The following CFAP410 variants were observed in gnomAD, a reference collection of about 807,000 sequenced individuals.
CFAP410 encodes the protein cilia and flagella associated protein 410.
Under a neutral mutation model 25.7 loss-of-function variants are expected in CFAP410, and 27 were observed. The observed-to-expected ratio is 1.05, with a 90% CI of 0.77 to 1.45. CFAP410 has a LOEUF of 1.45. CFAP410 is among the 40% of genes most tolerant of loss of function. The probability of loss-of-function intolerance (pLI) is 0.00; values close to 1 mark genes in which losing one functional copy is unlikely to be tolerated. For missense variants in CFAP410, 428 were observed against 354.1 expected (o/e 1.21, Z -1.67); for synonymous variants, 178 against 158.4 (o/e 1.12, Z -0.93).
rs1439423552 is a variant in CFAP410 at position 44,333,072 on chromosome 21, G to A, written c.334C>T (p.Leu112=). ...TSPHRYRMTV[L]RTLPRLQKLD... is the part of the protein sequence containing the mutation. ...TTCTGTAGGCGCGGCAGGGTGCGCA[G>A]CACGGTCATGCGGTAGCGGTGGGGG... The change falls in exon 4 of 7, where the codon CTG becomes TTG. Residue 112 remains leucine, a synonymous_variant. Coordinates refer to ENST00000339818, the MANE Select transcript of CFAP410 (RefSeq NM_004928.3). 2 of 1,607,562 alleles carry A rather than the reference G, an allele frequency of 1.2e-6. No individual in the cohort carries two copies. The highest frequency in any genetic ancestry group is 1.1e-5 in the South Asian group (1 of 90,514).
intron 1 of CFAP410, 115 bp downstream of exon 1, chr21:44,339,003 C>T (rs2047814930): frequency 2.7e-6 from 1 of 377,066 alleles, no homozygotes; most frequent in Non-Finnish European, 4.6e-6. Flanking sequence ...CCCGCCCCGG[C>T]TCCTCCCTCC....
chr21:44,330,117 G>A lies in CFAP410; in HGVS notation c.*81C>T. 2 of 1,455,592 alleles carry A rather than the reference G, an allele frequency of 1.4e-6. No individual in the cohort carries two copies. Among genetic ancestry groups the A allele is most frequent in the Non-Finnish European group, 1.8e-6 (2 of 1,084,414 alleles). 90.2% of individuals were successfully genotyped at this position (1,455,592 alleles called of 1,614,324 possible). A position where few individuals can be genotyped will look rare whatever the true frequency, so the allele number is the denominator to read the frequency against. The stretch of plus-strand genomic sequence containing the variant: ...TGTGTGGGGCCGGGGCTGCGGCCAT[G>A]GCAGCCACCCTCCAGCTCCCGGGGG... On this transcript the variant is annotated 3_prime_UTR_variant, in exon 7 of 7. Coordinates refer to ENST00000339818, the MANE Select transcript of CFAP410 (RefSeq NM_004928.3).
intron 2 of CFAP410, among the ~76,000 whole-genome samples, chr21:44,337,120 G>T (rs184288061): frequency 4.0e-5 from 6 of 151,584 alleles, no homozygotes; most frequent in Admixed American, 6.6e-5. Context: ...ATTGGTATGC[G>T]ATCCCTGTGT....
intron 2 of CFAP410, 150 bp downstream of exon 2, chr21:44,337,499 C>T: frequency 1.6e-6 from 1 of 623,946 alleles, no homozygotes; most frequent in Non-Finnish European, 2.8e-6. Context: ...ATGAAAACCG[C>T]TAAGTGAACA....
rs755945783 is a variant in CFAP410 at position 44,333,112 on chromosome 21, C to A, written c.294G>T (p.Pro98=). ...AGCGGTGGGGGCTGGTGCCGCAGCA[C>A]GGGTTCTCGGCCAGCCACAGCACCC... is the stretch of plus-strand genomic sequence containing the variant. ...RLRVLWLAEN[P]CCGTSPHRYR... Residue 98 remains proline, a synonymous_variant, in exon 4 of 7, where the codon CCG becomes CCT. Transcript: ENST00000339818. 35 of 1,610,420 alleles carry A rather than the reference C, an allele frequency of 2.2e-5. No individual in the cohort carries two copies. The highest frequency in any genetic ancestry group is 3.0e-5 in the Non-Finnish European group (35 of 1,179,070).
chr21:44,335,691 G>A, intron 3 of CFAP410, 67 bp downstream of exon 3: 1 of 1,231,526 alleles, frequency 8.1e-7, no homozygotes, highest in South Asian at 1.3e-5. Flanking sequence ...GGGTCCCACT[G>A]GAGGGACGTG....
At chr21:44,334,090 T>C (rs1220864584) in intron 3 of CFAP410, 6 of 456,018 alleles carry the variant, frequency 1.3e-5, no homozygotes, top group Non-Finnish European at 2.2e-5. Flanking sequence ...GTGGGACTCT[T>C]TCCAGGATGG....
chr21:44,337,349 A>G (rs1458989354), intron 2 of CFAP410, among the ~76,000 whole-genome samples: 3 of 152,220 alleles, frequency 2.0e-5, no homozygotes, highest in African/African-American at 7.2e-5. Context: ...ATTCCTTTCC[A>G]GGTGAGAGCA....
intron 6 of CFAP410, 24 bp from the exon 7 acceptor site, chr21:44,330,350 A>G (rs1568983890): frequency 6.2e-7 from 1 of 1,600,746 alleles, no homozygotes; most frequent in Non-Finnish European, 8.5e-7. Flanking sequence ...GGTGCGGACT[A>G]AGCCCACCCG....
intron 3 of CFAP410, 76 bp downstream of exon 3, chr21:44,335,682 G>T: frequency 8.9e-7 from 1 of 1,123,416 alleles, no homozygotes; most frequent in Non-Finnish European, 1.3e-6. Flanking sequence ...CACAGTGCTG[G>T]GTCCCACTGG....
At chr21:44,332,076 T>A in intron 4 of CFAP410, 62 bp from the exon 5 acceptor site, 2 of 1,382,880 alleles carry the variant, frequency 1.4e-6, no homozygotes, top group Non-Finnish European at 2.0e-6. Flanking sequence ...CCACATGCAC[T>A]GCAGCTCCCG....
intron 1 of CFAP410, chr21:44,338,481 T>C (rs1217761984): frequency 2.1e-5 from 8 of 389,850 alleles, no homozygotes; most frequent in Non-Finnish European, 3.6e-5. Context: ...CGTCCCTTCC[T>C]GTCACCTGCT....
Position 44,339,161 on chromosome 21 carries a change from C to G in CFAP410, c.34G>C (p.Ala12Pro). 2 of 1,474,886 alleles carry G rather than the reference C, an allele frequency of 1.4e-6. No individual in the cohort carries two copies. Among genetic ancestry groups the G allele is most frequent in the South Asian group, 1.3e-5 (1 of 76,444 alleles). 91.4% of individuals were successfully genotyped at this position (1,474,886 alleles called of 1,614,324 possible). The change falls in exon 1 of 7, where the codon GCC (alanine) becomes CCC (proline). Residue 12 changes from alanine (A) to proline (P), a missense_variant. Transcript: ENST00000339818. ...KLTRKMVLTR[A>P]KASELHSVRK... ...ACGCTGTGCAGCTCCGAGGCCTTGG[C>G]CCGGGTCAGAACCATCTTCCGCGTC...
At position 44,333,059 on chromosome 21, in the gene CFAP410, G is replaced by A. The variant is rs922930539; in HGVS notation, c.347C>T (p.Pro116Leu). 45 of 1,599,646 alleles carry A rather than the reference G, an allele frequency of 2.8e-5. No individual in the cohort carries two copies. The highest frequency in any genetic ancestry group is 2.0e-4 in the East Asian group (9 of 44,396). The change falls in exon 4 of 7, where the codon CCG (proline) becomes CTG (leucine). Residue 116 changes from proline to leucine, a missense_variant. Pro to Leu is a moderately conservative substitution (Grantham distance 98). Transcript: ENST00000339818. ...CTGGTTGTCCAGCTTCTGTAGGCGC[G>A]GCAGGGTGCGCAGCACGGTCATGCG... Reference protein sequence around the residue: ...RYRMTVLRTLPRLQKLDNQAV... With the variant: ...RYRMTVLRTLLRLQKLDNQAV...
intron 5 of CFAP410, chr21:44,331,160 A>C (rs771452282): frequency 5.2e-6 from 3 of 576,028 alleles, no homozygotes; most frequent in Non-Finnish European, 9.3e-6. Context: ...GGGGCTCCCC[A>C]GCTGTAACAC....
chr21:44,334,141 G>A (rs1363951000), intron 3 of CFAP410: 1 of 456,300 alleles, frequency 2.2e-6, no homozygotes, highest in Middle Eastern at 3.3e-4. Context: ...TGTACCGACC[G>A]CGTCCGCGGC....
rs754823280 is a variant in CFAP410 at position 44,333,253 on chromosome 21, G to A, written c.153C>T (p.Ser51=). ...SLEVITLSVN[S]ISTLEPVSRC... ...GGCTCACAGGCTCCAGGGTGGAGATGCTGTTGACACTGCACGGAGACCAGC... is the reference window on the plus strand; with the variant it reads ...GGCTCACAGGCTCCAGGGTGGAGATACTGTTGACACTGCACGGAGACCAGC... Residue 51 remains serine (S), a synonymous_variant, in exon 4 of 7, where the codon AGC becomes AGT. Transcript: ENST00000339818. 2.5e-6 allele frequency: 4 copies of A among 1,610,988 alleles called. No homozygotes were observed. In the African/African-American group the frequency reaches 4.0e-5, roughly 16 times the overall value.
chr21:44,338,097 C>T (rs772324441), intron 1 of CFAP410: 1 of 344,986 alleles, frequency 2.9e-6, no homozygotes, highest in Non-Finnish European at 5.3e-6. Flanking sequence ...TTTCTCCCAG[C>T]TTAGTGGGAG....
At position 44,331,927 on chromosome 21, in the gene CFAP410, C is replaced by T; in HGVS notation, c.461G>A (p.Gly154Asp). 1.2e-6 allele frequency: 2 copies of T among 1,613,464 alleles called. No homozygotes were observed. Among genetic ancestry groups the T allele is most frequent in the Non-Finnish European group, 1.7e-6 (2 of 1,179,850 alleles). The change falls in exon 5 of 7, where the codon GGC (glycine) becomes GAC (aspartate). Residue 154 changes from glycine to aspartate, a missense_variant. Coordinates refer to ENST00000339818, the MANE Select transcript of CFAP410 (RefSeq NM_004928.3). ...APEREGTGHG[G>D]PKLCCTLSSL... Reference sequence around the variant, plus strand: ...GCTCAGTGTGCAGCATAGCTTGGGGCCGCCGTGGCCTGTGCCCTCTCTCTC... The same window carrying T: ...GCTCAGTGTGCAGCATAGCTTGGGGTCGCCGTGGCCTGTGCCCTCTCTCTC...
Sources: allele counts gnomAD v4.1 joint callset (sites outside exome capture counted in the v4.1 genomes callset), GRCh38; gene constraint gnomAD v4.1.1; transcripts MANE v1.5; gene names NCBI Gene and HGNC (gene_info 2026-07-23, HGNC 2026-07-21).